The following FGF10 variants were observed in gnomAD, a reference collection of about 807,000 sequenced individuals.
FGF10 encodes the protein fibroblast growth factor 10, also known as FGF-10.
A neutral mutation model predicts 19.8 loss-of-function variants in FGF10; 2 were observed. That is an observed-to-expected ratio of 0.10 (90% CI 0.04 to 0.32). The LOEUF is 0.32. Among genes scored for constraint, FGF10 ranks in the 10% least tolerant of loss-of-function variants. The pLI is 1.00. For synonymous variants in FGF10, 112 were observed against 94.0 expected (o/e 1.19, Z -1.10); for missense variants, 191 against 246.3 (o/e 0.78, Z 1.50).
intron 1 of FGF10, among the ~76,000 whole-genome samples, chr5:44,332,276 C>A (rs1011871083): frequency 3.3e-5 from 5 of 151,936 alleles, no homozygotes; most frequent in African/African-American, 1.2e-4. Context: ...GTTGGTTGCC[C>A]CAGTGAGTAT....
intron 1 of FGF10, among the ~76,000 whole-genome samples, chr5:44,332,328 A>C (rs1331101461): frequency 1.3e-5 from 2 of 152,154 alleles, no homozygotes; most frequent in East Asian, 3.9e-4. Context: ...TCTATGAACA[A>C]GAGCCAAAAT....
chr5:44,321,185 A>G (rs1193221468), intron 1 of FGF10, among the ~76,000 whole-genome samples: 1 of 152,168 alleles, frequency 6.6e-6, no homozygotes, highest in Non-Finnish European at 1.5e-5. Flanking sequence ...ATGAACTTAC[A>G]GAAGAGGCTG....
chr5:44,378,633 G>A (rs530162908), intron 1 of FGF10, among the ~76,000 whole-genome samples: 1 of 152,040 alleles, frequency 6.6e-6, no homozygotes, highest in African/African-American at 2.4e-5. Flanking sequence ...GGGTTTCACC[G>A]TGTTAGCCAG....
intron 1 of FGF10, 116 bp from the exon 2 acceptor site, chr5:44,310,646 C>T (rs1740191274): frequency 2.7e-6 from 2 of 733,894 alleles, no homozygotes; most frequent in East Asian, 2.8e-5. Context: ...ACAAAAGGCA[C>T]AAAACATTGG....
At chr5:44,310,010 A>T (rs1394604226) in intron 2 of FGF10, among the ~76,000 whole-genome samples, 1 of 152,306 alleles carries the variant, frequency 6.6e-6, no homozygotes, top group Admixed American at 6.5e-5. Flanking sequence ...AGATTTTAAC[A>T]AAATGCAAAA....
chr5:44,344,220 C>T (rs1011043474), intron 1 of FGF10, among the ~76,000 whole-genome samples: 5 of 151,970 alleles, frequency 3.3e-5, no homozygotes, highest in African/African-American at 1.2e-4. Context: ...AAGTCTGAGG[C>T]AAGCTGCTAG....
chr5:44,366,927 GT>G (rs1741628910), intron 1 of FGF10, among the ~76,000 whole-genome samples: 1 of 151,990 alleles, frequency 6.6e-6, no homozygotes, highest in African/African-American at 2.4e-5. Flanking sequence ...GAAAATAAAT[GT>G]CAGCAACCCT....
chr5:44,386,339 A>G (rs1002061338), intron 1 of FGF10, among the ~76,000 whole-genome samples: 1 of 152,166 alleles, frequency 6.6e-6, no homozygotes, highest in Non-Finnish European at 1.5e-5. Context: ...ATTTTTTAAA[A>G]AGAAAAATGT....
chr5:44,365,028 G>C (rs1394027113), intron 1 of FGF10, among the ~76,000 whole-genome samples: 2 of 151,800 alleles, frequency 1.3e-5, no homozygotes, highest in Non-Finnish European at 2.9e-5. Flanking sequence ...CACTAGAATT[G>C]GAAATTAATG....
chr5:44,308,946 C>T (rs553156826), intron 2 of FGF10, among the ~76,000 whole-genome samples: 14 of 152,218 alleles, frequency 9.2e-5, no homozygotes, highest in African/African-American at 2.6e-4. Flanking sequence ...TTAATAAGCC[C>T]TTCCACTGAT....
rs1049796353 is a variant in FGF10 at position 44,304,321 on chromosome 5, A to G, written c.*674T>C. 2.0e-5 allele frequency: 3 copies of G among 152,384 alleles called. No homozygotes were observed. Among genetic ancestry groups the G allele is most frequent in the African/African-American group, 7.2e-5 (3 of 41,468 alleles). 9.4% of individuals were successfully genotyped at this position (152,384 alleles called of 1,614,324 possible). Reference sequence around the variant, plus strand: ...TAAATCAGAAGACAGCTGCTGAGATACTCTTTAAAACCCCAAAAGATATTT... The same window carrying G: ...TAAATCAGAAGACAGCTGCTGAGATGCTCTTTAAAACCCCAAAAGATATTT... On this transcript the variant is annotated 3_prime_UTR_variant, in exon 3 of 3. Transcript: ENST00000264664.
At chr5:44,307,236 G>T (rs1389352149) in intron 2 of FGF10, among the ~76,000 whole-genome samples, 1 of 152,124 alleles carries the variant, frequency 6.6e-6, no homozygotes, top group Admixed American at 6.6e-5. Flanking sequence ...AATCTCTAGA[G>T]GAGGGGCCTC....
chr5:44,354,606 G>A (rs1741306700), intron 1 of FGF10, among the ~76,000 whole-genome samples: 1 of 151,470 alleles, frequency 6.6e-6, no homozygotes, highest in Non-Finnish European at 1.5e-5. Context: ...TGCTCAGAAA[G>A]TATCCAAATA....
At chr5:44,363,118 CA>C (rs1741528377) in intron 1 of FGF10, among the ~76,000 whole-genome samples, 1 of 151,772 alleles carries the variant, frequency 6.6e-6, no homozygotes, top group Non-Finnish European at 1.5e-5. Context: ...TGAAAAACAA[CA>C]GATGAATATG....
At chr5:44,325,913 A>G (rs1303784551) in intron 1 of FGF10, among the ~76,000 whole-genome samples, 2 of 152,176 alleles carry the variant, frequency 1.3e-5, no homozygotes, top group Admixed American at 6.5e-5. Context: ...TGAAGTCTCT[A>G]TATTTCAACA....
At position 44,304,684 on chromosome 5, in the gene FGF10, A is replaced by C. The variant is rs778296673; in HGVS notation, c.*311T>G. ...GATTGTTCTATGTCCTTTAAGTTCTATCTCAGAGGTTTAAAAACAAAAACT... is the reference window on the plus strand; with the variant it reads ...GATTGTTCTATGTCCTTTAAGTTCTCTCTCAGAGGTTTAAAAACAAAAACT... On this transcript the variant is annotated 3_prime_UTR_variant, in exon 3 of 3. Coordinates refer to ENST00000264664, the MANE Select transcript of FGF10 (RefSeq NM_004465.2). The C allele has an allele frequency of 2.8e-6, 1 of 355,834 alleles. No individual in the cohort carries two copies. Among genetic ancestry groups the C allele is most frequent in the Non-Finnish European group, 5.3e-6 (1 of 188,464 alleles). 22.0% of individuals were successfully genotyped at this position (355,834 alleles called of 1,614,324 possible).
Position 44,388,908 on chromosome 5 carries a change from C to G in FGF10, c.-226G>C. ...GATCCGCTGCCTACGCCTCTGGAGCCTCCCGGTAAATGGTGGACGTGGGTG... is the reference window on the plus strand; with the variant it reads ...GATCCGCTGCCTACGCCTCTGGAGCGTCCCGGTAAATGGTGGACGTGGGTG... On this transcript the variant is annotated 5_prime_UTR_variant, in exon 1 of 3. Transcript: ENST00000264664. The G allele has an allele frequency of 1.7e-6, 1 of 600,682 alleles. No individual in the cohort carries two copies. Among genetic ancestry groups the G allele is most frequent in the South Asian group, 1.9e-5 (1 of 52,492 alleles). The allele number at this position is 600,682 out of a possible 1,614,324, so 37.2% of individuals were successfully genotyped here.
In FGF10 at chr5:44,365,350, C is replaced by CAAAA. The variant is rs3060085; in HGVS notation, c.325+23004_325+23007dup. Among the ~76,000 whole-genome samples the CAAAA allele has an allele frequency of 5.5e-4, 68 of 124,656 alleles. No homozygotes were observed. The South Asian group carries it at 6.8e-3, about 12-fold the overall frequency. The allele number at this position is 124,656 out of a possible 152,430, so 81.8% of individuals were successfully genotyped here. ...GTCAATTTCATCCTCAAATAATTTGCAAAAAAAAAAAAAAAAGAGAGAGGT... is the reference window on the plus strand; with the variant it reads ...GTCAATTTCATCCTCAAATAATTTGCAAAAAAAAAAAAAAAAAAAAGAGAGAGGT... On this transcript the variant is annotated intron_variant, in intron 1 of 2. Transcript: ENST00000264664.
chr5:44,301,255 A>T lies in FGF10; in HGVS notation c.*3740T>A, dbSNP rs910317939. 6.6e-6 allele frequency among the ~76,000 whole-genome samples: 1 copy of T among 152,070 alleles called. No homozygotes were observed. The highest frequency in any genetic ancestry group is 1.5e-5 in the Non-Finnish European group (1 of 68,030). On this transcript the variant is annotated 3_prime_UTR_variant, in exon 3 of 3. Coordinates refer to ENST00000264664, the MANE Select transcript of FGF10 (RefSeq NM_004465.2). Reference sequence around the variant, plus strand: ...CTAGACATCTTCTCTTAAATATTTTAAGCTACATATATAACTTTATTTAGA... The same window carrying T: ...CTAGACATCTTCTCTTAAATATTTTTAGCTACATATATAACTTTATTTAGA...
Sources: allele counts gnomAD v4.1 joint callset (sites outside exome capture counted in the v4.1 genomes callset), GRCh38; gene constraint gnomAD v4.1.1; transcripts MANE v1.5; gene names NCBI Gene and HGNC (gene_info 2026-07-23, HGNC 2026-07-21).